The following CCDC33 variants were observed in gnomAD, a reference collection of about 807,000 sequenced individuals.
CCDC33 encodes coiled-coil domain-containing protein 33.
CCDC33 carries 94 observed loss-of-function variants against 91.9 expected under a neutral mutation model. The observed-to-expected ratio is 1.02, with a 90% confidence interval of 0.87 to 1.21. The LOEUF is 1.21. CCDC33 is among the 50% of genes most tolerant of loss of function. The probability of loss-of-function intolerance (pLI) is 0.00; values close to 1 mark genes in which losing one functional copy is unlikely to be tolerated. For missense variants in CCDC33, 940 were observed against 935.5 expected, an observed-to-expected ratio of 1.00 and a Z score of -0.06; for synonymous variants, 396 against 374.5, an observed-to-expected ratio of 1.06 and a Z score of -0.66.
At chr15:74,295,373 T>C (rs1222573758) in intron 10 of CCDC33, among the ~76,000 whole-genome samples, 4 of 152,106 alleles carry the variant, frequency 2.6e-5, no homozygotes, top group African/African-American at 9.7e-5. Flanking sequence ...ATAGAGAGTA[T>C]ATTGGAAGTG....
At chr15:74,260,109 T>C (rs1448997719) in intron 2 of CCDC33, among the ~76,000 whole-genome samples, 1 of 152,122 alleles carries the variant, frequency 6.6e-6, no homozygotes, top group African/African-American at 2.4e-5. Flanking sequence ...GAGCCTGAGG[T>C]CTCTGACTTT....
At chr15:74,225,985 G>A (rs1465719105) in intron 2 of CCDC33, among the ~76,000 whole-genome samples, 5 of 152,306 alleles carry the variant, frequency 3.3e-5, no homozygotes, top group Non-Finnish European at 4.4e-5. Context: ...CGTGTGGGAC[G>A]TCCTTCCTCC....
Position 74,330,676 on chromosome 15 carries a change from GA to G in CCDC33, c.1473del (p.Lys491AsnfsTer4). The G allele has an allele frequency of 6.2e-7, 1 of 1,613,486 alleles. No individual in the cohort carries two copies. The highest frequency in any genetic ancestry group is 8.5e-7 in the Non-Finnish European group (1 of 1,179,954). On this transcript the variant is annotated frameshift_variant, in exon 13 of 19. Coordinates refer to ENST00000398814, the MANE Select transcript of CCDC33 (RefSeq NM_025055.5). LOFTEE classifies it high-confidence loss of function. ...EAQNTVSMKQ[K>X]LLLSELDMKK... The stretch of plus-strand genomic sequence containing the variant: ...CCCACCTAACAGTGTCCATGAAGCA[GA>G]AACTGCTGCTGAGTGAGCTGGATAT...
At chr15:74,223,446 G>A (rs1484002641) in intron 2 of CCDC33, among the ~76,000 whole-genome samples, 1 of 152,098 alleles carries the variant, frequency 6.6e-6, no homozygotes, top group African/African-American at 2.4e-5. Flanking sequence ...GAGGACTGGA[G>A]GCCAGTCAGC....
intron 2 of CCDC33, among the ~76,000 whole-genome samples, chr15:74,251,815 T>C (rs1232751043): frequency 1.3e-5 from 2 of 152,146 alleles, no homozygotes; most frequent in Non-Finnish European, 2.9e-5. Flanking sequence ...CTGACTCTGG[T>C]GACTAATTGA....
intron 5 of CCDC33, 77 bp downstream of exon 5, chr15:74,268,535 C>A: frequency 1.8e-6 from 2 of 1,111,832 alleles, no homozygotes; most frequent in Non-Finnish European, 2.7e-6. Flanking sequence ...CACGCCTTGC[C>A]CTTAGCCCCC....
intron 10 of CCDC33, among the ~76,000 whole-genome samples, chr15:74,289,755 C>G (rs2059550474): frequency 6.6e-6 from 1 of 150,854 alleles, no homozygotes; most frequent in South Asian, 2.1e-4. Context: ...CCACTACACC[C>G]CAGCCTGGGC....
upstream of CCDC33, among the ~76,000 whole-genome samples, chr15:74,215,427 A>T (rs1042934549): frequency 6.6e-6 from 1 of 152,178 alleles, no homozygotes; most frequent in African/African-American, 2.4e-5. Context: ...GTTTTGCAAG[A>T]TGAAAAGAGT....
chr15:74,223,778 A>ACACACACACACACACACGCAAGCATG (rs2142164798), intron 2 of CCDC33, among the ~76,000 whole-genome samples: 1 of 149,648 alleles, frequency 6.7e-6, no homozygotes, highest in Non-Finnish European at 1.5e-5. Flanking sequence ...AAGCATGCAC[A>ACACACACACACACACACGCAAGCATG]CACACACACA....
chr15:74,268,317 T>C, intron 4 of CCDC33, 25 bp from the exon 5 acceptor site: 2 of 1,552,574 alleles, frequency 1.3e-6, no homozygotes, highest in South Asian at 1.1e-5. Flanking sequence ...TTCCTCTGTG[T>C]CTTCTGCCCC....
upstream of CCDC33, among the ~76,000 whole-genome samples, chr15:74,233,456 G>T (rs1264722134): frequency 3.3e-5 from 5 of 152,250 alleles, no homozygotes; most frequent in African/African-American, 1.2e-4. Context: ...GGACCTTCGA[G>T]GGCTGCTCTG....
At chr15:74,249,051 T>A (rs1404936692) in intron 2 of CCDC33, among the ~76,000 whole-genome samples, 1 of 152,174 alleles carries the variant, frequency 6.6e-6, no homozygotes, top group Non-Finnish European at 1.5e-5. Flanking sequence ...AGCCAACGCC[T>A]GCTTGTCGGC....
rs12592473 is a variant in CCDC33 at position 74,320,625 on chromosome 15, G to A, written c.1291-9564G>A. Among the ~76,000 whole-genome samples, 20 of 152,288 alleles carry A rather than the reference G, an allele frequency of 1.3e-4. No individual in the cohort carries two copies. The East Asian group carries it at 3.3e-3, about 25-fold the overall frequency. The stretch of plus-strand genomic sequence containing the variant: ...TTTGGGAAGCTGGGGCCACCCTGGG[G>A]TGGTGACAGGTGGAGAAGGGGACCC... On this transcript the variant is annotated intron_variant, in intron 11 of 18. Coordinates refer to ENST00000398814, the MANE Select transcript of CCDC33 (RefSeq NM_025055.5).
Position 74,244,070 on chromosome 15 carries a change from C to A in CCDC33, c.107C>A (p.Thr36Asn), listed in dbSNP as rs1292342034. The A allele has an allele frequency of 1.2e-6, 2 of 1,613,846 alleles. No individual in the cohort carries two copies. Among genetic ancestry groups the A allele is most frequent in the Admixed American group, 1.7e-5 (1 of 60,002 alleles). ...IGHLSPSKKE[T>N]IMVTLHGATN... ...CACCTGTCTCCCTCTAAGAAGGAGA[C>A]CATCATGGTCACCCTCCATGGGGCT... The change falls in exon 2 of 19, where the codon ACC (threonine) becomes AAC (asparagine). Residue 36 changes from threonine (T) to asparagine (N), a missense_variant. Transcript: ENST00000398814. The surrounding 1 kb of genome is among the most constrained non-coding windows in gnomAD (Gnocchi z 4.2).
intron 2 of CCDC33, among the ~76,000 whole-genome samples, chr15:74,245,198 A>G (rs371948554): frequency 2.6e-5 from 4 of 152,076 alleles, no homozygotes; most frequent in African/African-American, 9.7e-5. Flanking sequence ...ATTTCCCTCA[A>G]CAATGCATCC....
chr15:74,318,604 G>A (rs1423194947), intron 11 of CCDC33: 1 of 739,990 alleles, frequency 1.4e-6, no homozygotes, highest in African/African-American at 1.8e-5. Context: ...GGGAGCCAGG[G>A]CCCCCATCCC....
intron 2 of CCDC33, among the ~76,000 whole-genome samples, chr15:74,227,186 G>C (rs1035649066): frequency 6.6e-6 from 1 of 152,204 alleles, no homozygotes; most frequent in East Asian, 1.9e-4. Context: ...AGAGGAGATA[G>C]ACAGCTTGCC....
At chr15:74,280,955 T>C (rs930419356) in intron 9 of CCDC33, among the ~76,000 whole-genome samples, 154 bp downstream of exon 9, 2 of 152,026 alleles carry the variant, frequency 1.3e-5, no homozygotes, top group African/African-American at 4.8e-5. Context: ...AGTCTAGAAG[T>C]GAGGAGCTCC....
intron 11 of CCDC33, among the ~76,000 whole-genome samples, chr15:74,299,195 G>A (rs1341544017): frequency 6.6e-6 from 1 of 152,154 alleles, no homozygotes; most frequent in Admixed American, 6.5e-5. Flanking sequence ...GCCCACCCTG[G>A]GCATCACCCT....
Sources: allele counts gnomAD v4.1 joint callset (sites outside exome capture counted in the v4.1 genomes callset), GRCh38; gene constraint gnomAD v4.1.1; non-coding constraint Gnocchi (gnomAD v3.1); transcripts MANE v1.5; gene names NCBI Gene and HGNC (gene_info 2026-07-23, HGNC 2026-07-21).